MGAT4C: variants seen among roughly 807,000 people sequenced by gnomAD.
MGAT4C encodes the protein alpha-1,3-mannosyl-glycoprotein 4-beta-N-acetylglucosaminyltransferase C.
In MGAT4C, 19 loss-of-function variants were observed where a neutral mutation model predicts 40.1. The ratio of observed to expected loss-of-function variants is 0.47; its 90% CI spans 0.33 to 0.70. The LOEUF (loss-of-function observed/expected upper bound fraction) is 0.70. Ranked by LOEUF, MGAT4C falls within the 30% of genes least tolerant of loss-of-function variation. MGAT4C has a pLI of 0.02. For missense variants in MGAT4C, 491 were observed against 563.2 expected, an observed-to-expected ratio of 0.87 and a Z score of 1.30; for synonymous variants, 181 against 187.1, an observed-to-expected ratio of 0.97 and a Z score of 0.27.
intron 1 of MGAT4C, among the ~76,000 whole-genome samples, chr12:86,156,038 A>T (rs1031773208): frequency 1.3e-5 from 2 of 152,150 alleles, no homozygotes; most frequent in Non-Finnish European, 2.9e-5. Context: ...GGAAATCTTA[A>T]AATTTCTTTA....
At chr12:86,356,235 A>G (rs1001579507) in intron 3 of MGAT4C, among the ~76,000 whole-genome samples, 3 of 152,206 alleles carry the variant, frequency 2.0e-5, no homozygotes, top group Non-Finnish European at 4.4e-5. Context: ...AAAACTGACA[A>G]CACTACCAAC....
intron 4 of MGAT4C, among the ~76,000 whole-genome samples, chr12:86,306,771 G>A (rs535470218): frequency 1.3e-5 from 2 of 150,546 alleles, no homozygotes; most frequent in South Asian, 4.2e-4. Flanking sequence ...TAGGGGAACA[G>A]TGCAGCGATT....
intron 1 of MGAT4C, among the ~76,000 whole-genome samples, chr12:86,756,587 T>C (rs1055152591): frequency 2.6e-5 from 4 of 152,176 alleles, no homozygotes; most frequent in African/African-American, 9.7e-5. Flanking sequence ...CTGAATAGCA[T>C]ATCACTATAT....
chr12:86,064,379 C>CA (rs201994581), intron 1 of MGAT4C, among the ~76,000 whole-genome samples: 207 of 151,394 alleles, frequency 1.4e-3, no homozygotes, highest in African/African-American at 3.5e-3. Context: ...GACTACGTCT[C>CA]AAAAAAAAGA....
chr12:86,223,652 G>C (rs188326952), intron 1 of MGAT4C, among the ~76,000 whole-genome samples: 1 of 152,192 alleles, frequency 6.6e-6, no homozygotes, highest in Admixed American at 6.5e-5. Context: ...CTGGGGGCCT[G>C]AGGACAAGAC....
rs116936984 is a variant in MGAT4C at position 86,354,045 on chromosome 12, A to T, written c.-119-19918T>A. Among the ~76,000 whole-genome samples, 386 of 152,334 alleles carry T rather than the reference A, an allele frequency of 2.5e-3. 1 individual carries two copies. The highest frequency in any genetic ancestry group is 4.6e-3 in the Non-Finnish European group (314 of 68,034). Reference sequence around the variant, plus strand: ...ATGTGTGGAACTGAACCAACACATGAAAAGTTCGAAAAAACTTTGATATGA... The same window carrying T: ...ATGTGTGGAACTGAACCAACACATGTAAAGTTCGAAAAAACTTTGATATGA... On this transcript the variant is annotated intron_variant, in intron 3 of 7. Coordinates refer to the MGAT4C transcript ENST00000548651.
intron 3 of MGAT4C, among the ~76,000 whole-genome samples, chr12:86,335,189 A>C (rs1403966922): frequency 6.6e-6 from 1 of 152,032 alleles, no homozygotes; most frequent in Non-Finnish European, 1.5e-5. Flanking sequence ...CCTCTGCTTG[A>C]CTGAACTATA....
At chr12:86,625,008 G>A (rs767681426) in intron 2 of MGAT4C, among the ~76,000 whole-genome samples, 17 of 151,980 alleles carry the variant, frequency 1.1e-4, no homozygotes, top group Non-Finnish European at 1.5e-4. Context: ...TCATGAGGGC[G>A]GTTTTCCCCA....
At chr12:86,089,939 T>C (rs1044279422) in intron 1 of MGAT4C, among the ~76,000 whole-genome samples, 7 of 151,762 alleles carry the variant, frequency 4.6e-5, no homozygotes, top group African/African-American at 1.4e-4. Flanking sequence ...ACATATTATT[T>C]ATTTATTTTT....
intron 2 of MGAT4C, among the ~76,000 whole-genome samples, chr12:86,592,955 C>A: frequency 6.6e-6 from 1 of 152,088 alleles, no homozygotes; most frequent in East Asian, 1.9e-4. Flanking sequence ...ACAAAGTAAT[C>A]AGTAGTATCA....
intron 2 of MGAT4C, among the ~76,000 whole-genome samples, chr12:86,044,903 A>G (rs986014810): frequency 6.6e-6 from 1 of 152,112 alleles, no homozygotes; most frequent in South Asian, 2.1e-4. Context: ...TCAAGTGTCC[A>G]TGGGTGTTGT....
chr12:85,989,286 C>T, intron 3 of MGAT4C, 114 bp downstream of exon 3: 2 of 1,002,552 alleles, frequency 2.0e-6, no homozygotes, highest in Non-Finnish European at 2.7e-6. Context: ...TATAATTTTG[C>T]TCAAACTAAG....
At chr12:86,485,432 CA>C (rs1037289156) in intron 2 of MGAT4C, among the ~76,000 whole-genome samples, 1 of 152,112 alleles carries the variant, frequency 6.6e-6, no homozygotes, top group Non-Finnish European at 1.5e-5. Context: ...ACAAGAATTT[CA>C]TAATATAGCC....
At chr12:86,613,748 A>G (rs1392630051) in intron 2 of MGAT4C, among the ~76,000 whole-genome samples, 1 of 152,220 alleles carries the variant, frequency 6.6e-6, no homozygotes, top group African/African-American at 2.4e-5. Flanking sequence ...TATATATTTT[A>G]GGTTCAATAT....
In MGAT4C at chr12:86,494,740, T is replaced by C. The variant is rs184879779; in HGVS notation, c.-228-59475A>G. 6.6e-5 allele frequency among the ~76,000 whole-genome samples: 10 copies of C among 151,988 alleles called. No homozygotes were observed. The East Asian group carries it at 1.4e-3, about 21-fold the overall frequency. On this transcript the variant is annotated intron_variant, in intron 2 of 7. Transcript: ENST00000548651. ...CAGAAAATACAAAGCATTCTGACAT[T>C]TGACTTACAAAAAGACAACTCAAAT...
intron 2 of MGAT4C, among the ~76,000 whole-genome samples, chr12:86,530,649 C>T (rs147566553): frequency 0.037 from 5,650 of 152,088 alleles, 168 homozygotes; most frequent in South Asian, 0.087. Context: ...TGTAGACACA[C>T]ATTAGTTCAA....
At chr12:86,196,530 G>A (rs533808135) in intron 1 of MGAT4C, among the ~76,000 whole-genome samples, 30 of 152,330 alleles carry the variant, frequency 2.0e-4, no homozygotes, top group African/African-American at 6.3e-4. Flanking sequence ...AGTAGCAACT[G>A]TGCTGCTCTC....
intron 2 of MGAT4C, among the ~76,000 whole-genome samples, chr12:86,043,036 T>C (rs980138687): frequency 1.3e-5 from 2 of 152,166 alleles, no homozygotes; most frequent in African/African-American, 4.8e-5. Context: ...TTAGAGAATC[T>C]GATGACTATG....
At chr12:86,061,675 G>A (rs191217794) in intron 1 of MGAT4C, among the ~76,000 whole-genome samples, 3 of 152,160 alleles carry the variant, frequency 2.0e-5, no homozygotes, top group East Asian at 1.9e-4. Context: ...TGGGATGCTC[G>A]AGCTTGGTGA....
Sources: gnomAD v4.1 joint callset for allele counts (sites outside exome capture counted in the v4.1 genomes callset) on GRCh38, gnomAD v4.1.1 for gene constraint, MANE v1.5 for transcripts, NCBI Gene and HGNC (gene_info 2026-07-23, HGNC 2026-07-21) for gene names.